GRAMD1C: variants seen among roughly 807,000 people sequenced by gnomAD.
The protein encoded by GRAMD1C is protein Aster-C.
A neutral mutation model predicts 97.8 loss-of-function variants in GRAMD1C; 89 were observed. The observed-to-expected ratio is 0.91, with a 90% CI of 0.77 to 1.09. The LOEUF is 1.09. GRAMD1C is among the 50% of genes least tolerant of loss of function. The pLI is 0.00. For missense variants in GRAMD1C, 740 were observed against 766.4 expected (o/e 0.97, Z 0.41); for synonymous variants, 256 against 267.0 (o/e 0.96, Z 0.40).
At chr3:113,917,265 G>T (rs959179824) in intron 10 of GRAMD1C, among the ~76,000 whole-genome samples, 7 of 152,188 alleles carry the variant, frequency 4.6e-5, no homozygotes, top group Admixed American at 1.3e-4. Context: ...CAGCAGCAGA[G>T]ATTCATATAA....
intron 9 of GRAMD1C, among the ~76,000 whole-genome samples, chr3:113,911,456 G>C (rs533973883): frequency 6.6e-6 from 1 of 152,054 alleles, no homozygotes; most frequent in Admixed American, 6.5e-5. Context: ...ATGTTGGCCA[G>C]GGTGGTCTTG....
At position 113,913,813 on chromosome 3, in the gene GRAMD1C, G is replaced by A. The variant is rs555499935; in HGVS notation, c.953-1888G>A. Reference sequence around the variant, plus strand: ...GAATCTGTGTTTTTACTTTTTTAAAGTTGTGAAGTTATGAAGACGGTTGAA... The same window carrying A: ...GAATCTGTGTTTTTACTTTTTTAAAATTGTGAAGTTATGAAGACGGTTGAA... On this transcript the variant is annotated intron_variant, in intron 9 of 17. Coordinates refer to ENST00000358160, the MANE Select transcript of GRAMD1C (RefSeq NM_017577.5). Among the ~76,000 whole-genome samples the A allele has an allele frequency of 5.3e-5, 8 of 152,206 alleles. No individual in the cohort carries two copies. In the East Asian group the frequency reaches 1.5e-3, roughly 29 times the overall value.
intron 6 of GRAMD1C, chr3:113,885,758 G>A: frequency 6.3e-7 from 1 of 1,587,152 alleles, no homozygotes; most frequent in Admixed American, 1.7e-5. Flanking sequence ...TCCTTAAGAG[G>A]AGATATTACA....
At chr3:113,850,641 T>C in intron 2 of GRAMD1C, 1 of 1,607,434 alleles carries the variant, frequency 6.2e-7, no homozygotes, top group South Asian at 1.1e-5. Flanking sequence ...CTCGGGTGCT[T>C]AGGCATGTGG....
intron 10 of GRAMD1C, among the ~76,000 whole-genome samples, chr3:113,924,091 G>GT (rs34202021): frequency 0.21 from 27,467 of 133,452 alleles, 2,813 homozygotes; most frequent in Middle Eastern, 0.24. Flanking sequence ...AGTCTCTGGG[G>GT]TTTTTTTTTT....
At chr3:113,925,705 G>A (rs1423023870) in intron 10 of GRAMD1C, among the ~76,000 whole-genome samples, 1 of 152,100 alleles carries the variant, frequency 6.6e-6, no homozygotes, top group Non-Finnish European at 1.5e-5. Flanking sequence ...GTGTTTTTGT[G>A]GTGGCTGCTA....
Position 113,865,286 on chromosome 3 carries a change from A to G in GRAMD1C, c.175-4221A>G, listed in dbSNP as rs116631336. On this transcript the variant is annotated intron_variant, in intron 2 of 17. Transcript: ENST00000358160. ...CTTAAAGTTCCTACCACCTCTCAAT[A>G]CCATTACATTGAGGACCAAGCTGCA... Among the ~76,000 whole-genome samples, 689 of 152,244 alleles carry G rather than the reference A, an allele frequency of 4.5e-3. 4 individuals are homozygous for G. The highest frequency in any genetic ancestry group is 7.0e-3 in the Admixed American group (107 of 15,288).
intron 2 of GRAMD1C, among the ~76,000 whole-genome samples, chr3:113,862,072 A>C (rs1042130134): frequency 1.5e-4 from 23 of 152,182 alleles, no homozygotes; most frequent in Admixed American, 3.3e-4. Flanking sequence ...TCACAAGGCA[A>C]ATGGAGGCAG....
intron 2 of GRAMD1C, among the ~76,000 whole-genome samples, chr3:113,857,480 A>G (rs756657614): frequency 1.1e-4 from 16 of 150,180 alleles, no homozygotes; most frequent in Non-Finnish European, 2.2e-4. Flanking sequence ...GGTTCACACC[A>G]TTCTCCTGCC....
At chr3:113,844,027 T>A (rs1933498116) in intron 1 of GRAMD1C, among the ~76,000 whole-genome samples, 1 of 152,244 alleles carries the variant, frequency 6.6e-6, no homozygotes, top group South Asian at 2.1e-4. Context: ...TAGCAGACTG[T>A]GCACTTCTGG....
At chr3:113,888,756 C>T (rs1467036723) in intron 6 of GRAMD1C, among the ~76,000 whole-genome samples, 2 of 152,160 alleles carry the variant, frequency 1.3e-5, no homozygotes, top group African/African-American at 4.8e-5. Flanking sequence ...ATGATGCAGC[C>T]ACTTTGAAAA....
rs1182203778 is a variant in GRAMD1C at position 113,847,068 on chromosome 3, TA to T, written c.174+2420del. On this transcript the variant is annotated intron_variant, in intron 2 of 17. Transcript: ENST00000358160. ...TTTGGTGTTTCTTTATTTTTTGCTA[TA>T]TTTTTTATAAGCTTAAATAAACTGA... Among the ~76,000 whole-genome samples the T allele has an allele frequency of 2.0e-5, 3 of 152,220 alleles. No individual in the cohort carries two copies. The East Asian group carries it at 5.8e-4, about 29-fold the overall frequency.
intron 6 of GRAMD1C, among the ~76,000 whole-genome samples, chr3:113,891,748 G>A (rs1935734240): frequency 6.6e-6 from 1 of 151,676 alleles, no homozygotes; most frequent in Non-Finnish European, 1.5e-5. Context: ...TTAGCTAGGT[G>A]TGGTGGTGCA....
intron 2 of GRAMD1C, among the ~76,000 whole-genome samples, chr3:113,867,449 C>A (rs760192786): frequency 1.4e-4 from 21 of 152,034 alleles, no homozygotes; most frequent in Non-Finnish European, 2.6e-4. Flanking sequence ...TGCACCACCA[C>A]ACCCGGCTAA....
chr3:113,856,533 A>G (rs1040781143), intron 2 of GRAMD1C, among the ~76,000 whole-genome samples: 1 of 151,402 alleles, frequency 6.6e-6, no homozygotes, highest in African/African-American at 2.4e-5. Context: ...TTATGTATGT[A>G]TGTATGTATG....
rs556841049 is a variant in GRAMD1C at position 113,908,789 on chromosome 3, C to T, written c.790-169C>T. On this transcript the variant is annotated intron_variant, in intron 8 of 17. Transcript: ENST00000358160. ...GTATATATTATTTATTCATATTTTA[C>T]GGACCGACATTTAATAGCATGGGAA... Among the ~76,000 whole-genome samples the T allele has an allele frequency of 2.0e-4, 31 of 152,138 alleles. No homozygotes were observed. In the South Asian group the frequency reaches 5.6e-3, roughly 27 times the overall value.
At chr3:113,937,064 A>G (rs1249118548) in intron 14 of GRAMD1C, 2 of 152,380 alleles carry the variant, frequency 1.3e-5, no homozygotes, top group Non-Finnish European at 2.9e-5. Context: ...GCATTTATAG[A>G]AATTCAATTT....
chr3:113,932,427 G>T (rs1937470812), intron 11 of GRAMD1C, among the ~76,000 whole-genome samples: 1 of 152,130 alleles, frequency 6.6e-6, no homozygotes, highest in Non-Finnish European at 1.5e-5. Flanking sequence ...TTTGGCCAAT[G>T]ACCATTTAAA....
At chr3:113,840,417 C>T (rs554688029) in intron 1 of GRAMD1C, among the ~76,000 whole-genome samples, 3 of 152,046 alleles carry the variant, frequency 2.0e-5, no homozygotes, top group Non-Finnish European at 4.4e-5. Context: ...CTGACCTGCA[C>T]CATTTGAATT....
Sources: gnomAD v4.1 joint callset for allele counts (sites outside exome capture counted in the v4.1 genomes callset) on GRCh38, gnomAD v4.1.1 for gene constraint, MANE v1.5 for transcripts, NCBI Gene and HGNC (gene_info 2026-07-23, HGNC 2026-07-21) for gene names.